The following PPARA variants were observed in gnomAD, a reference collection of about 807,000 sequenced individuals.
The protein encoded by PPARA is peroxisome proliferator-activated receptor alpha.
In PPARA, 22 loss-of-function variants were observed where a neutral mutation model predicts 42.2. The observed-to-expected ratio is 0.52, with a 90% CI of 0.37 to 0.74. PPARA has a LOEUF of 0.74. PPARA is among the 30% of genes least tolerant of loss of function. The pLI is 0.00. For missense variants in PPARA, 465 were observed against 608.2 expected (o/e 0.76, Z 2.48); for synonymous variants, 242 against 239.3 (o/e 1.01, Z -0.10).
At chr22:46,172,675 A>G (rs1272866456) in intron 2 of PPARA, among the ~76,000 whole-genome samples, 1 of 152,188 alleles carries the variant, frequency 6.6e-6, no homozygotes, top group Non-Finnish European at 1.5e-5. Flanking sequence ...CTGTCCAAAC[A>G]GCCATAAGCC....
intron 7 of PPARA, among the ~76,000 whole-genome samples, chr22:46,223,048 G>T (rs1399363919): frequency 6.6e-6 from 1 of 152,028 alleles, no homozygotes; most frequent in Non-Finnish European, 1.5e-5. Flanking sequence ...TAGTCCCCGC[G>T]ACTTGGGAGG....
intron 2 of PPARA, among the ~76,000 whole-genome samples, chr22:46,170,625 T>C (rs1383873530): frequency 6.6e-6 from 1 of 151,594 alleles, no homozygotes; most frequent in African/African-American, 2.4e-5. Context: ...TAAATTTTTA[T>C]TGAACGTCTG....
chr22:46,176,195 A>G (rs1014568835), intron 2 of PPARA: 1 of 151,970 alleles, frequency 6.6e-6, no homozygotes, highest in Non-Finnish European at 1.5e-5. Flanking sequence ...GTAGAAATGT[A>G]AATTACAGGG....
Position 46,222,661 on chromosome 22 carries a change from T to C in PPARA, c.711+2647T>C, listed in dbSNP as rs540372617. On this transcript the variant is annotated intron_variant, in intron 7 of 8. Coordinates refer to ENST00000407236, the MANE Select transcript of PPARA (RefSeq NM_005036.6). The surrounding 1 kb of genome is among the most constrained non-coding windows in gnomAD (Gnocchi z 5.9). ...GAGTCTCTATCCTGGATATGATTAG[T>C]ACAGCCCAAAATTGGGATGGCTAAA... Among the ~76,000 whole-genome samples the C allele has an allele frequency of 6.6e-6, 1 of 152,328 alleles. No homozygotes were observed. The highest frequency in any genetic ancestry group is 6.5e-5 in the Admixed American group (1 of 15,294).
chr22:46,235,573 C>A lies in PPARA; in HGVS notation c.*193C>A. ...CCAGTACTTCTAAGAGCATAGAACT[C>A]AAATGCTGGGGGTAGGTGGCTAATC... On this transcript the variant is annotated 3_prime_UTR_variant, in exon 9 of 9. Coordinates refer to ENST00000407236, the MANE Select transcript of PPARA (RefSeq NM_005036.6). The surrounding 1 kb of genome is among the most constrained non-coding windows in gnomAD (Gnocchi z 7.0). The A allele has an allele frequency of 1.4e-6, 1 of 717,104 alleles. No homozygotes were observed. The highest frequency in any genetic ancestry group is 2.3e-6 in the Non-Finnish European group (1 of 440,728). 44.4% of individuals were successfully genotyped at this position (717,104 alleles called of 1,614,324 possible).
intron 3 of PPARA, among the ~76,000 whole-genome samples, chr22:46,181,365 C>G (rs1929938350): frequency 6.6e-6 from 1 of 151,970 alleles, no homozygotes; most frequent in Admixed American, 6.6e-5. Context: ...CAGGAGCTGC[C>G]CCACAGCTGC....
Position 46,211,329 on chromosome 22 carries a change from C to A in PPARA, c.209-3844C>A, listed in dbSNP as rs1933908488. 6.6e-6 allele frequency among the ~76,000 whole-genome samples: 1 copy of A among 152,138 alleles called. No homozygotes were observed. The highest frequency in any genetic ancestry group is 1.5e-5 in the Non-Finnish European group (1 of 68,022). ...AGTTCATGGTTCATTTTCAGTATAC[C>A]TGCACAGTGGTATCAGAACTGTTAA... On this transcript the variant is annotated intron_variant, in intron 4 of 8. Coordinates refer to ENST00000407236, the MANE Select transcript of PPARA (RefSeq NM_005036.6). The surrounding 1 kb of genome is among the most constrained non-coding windows in gnomAD (Gnocchi z 4.1).
In PPARA at chr22:46,216,069, G is replaced by A. The variant is rs1934457632; in HGVS notation, c.369+736G>A. 6.6e-6 allele frequency among the ~76,000 whole-genome samples: 1 copy of A among 152,154 alleles called. No individual in the cohort carries two copies. The highest frequency in any genetic ancestry group is 6.6e-5 in the Admixed American group (1 of 15,266). On this transcript the variant is annotated intron_variant, in intron 5 of 8. Transcript: ENST00000407236. This position sits in a 1 kb window ranked among gnomAD's most constrained non-coding sequence, Gnocchi z 4.5. ...CTGTGCTTTGTAAATACTTAGAGAA[G>A]TGCATTCTTTAAAAGAAAATAAGTC...
intron 3 of PPARA, among the ~76,000 whole-genome samples, chr22:46,178,348 T>A (rs1929470525): frequency 1.3e-5 from 2 of 152,164 alleles, no homozygotes. Context: ...TCATCTGAGA[T>A]AACAAAACCT....
intron 4 of PPARA, among the ~76,000 whole-genome samples, chr22:46,213,605 T>G (rs1162354840): frequency 6.6e-6 from 1 of 151,600 alleles, no homozygotes; most frequent in Middle Eastern, 3.2e-3. Context: ...TTCTTTTTTT[T>G]TTGAGATGAA....
At chr22:46,166,047 T>C (rs2147157732) in intron 2 of PPARA, among the ~76,000 whole-genome samples, 1 of 152,194 alleles carries the variant, frequency 6.6e-6, no homozygotes, top group East Asian at 1.9e-4. Flanking sequence ...ATTATAGTGG[T>C]CTCCCAACAA....
In PPARA at chr22:46,214,549, C is replaced by G. The variant is rs565692593; in HGVS notation, c.209-624C>G. On this transcript the variant is annotated intron_variant, in intron 4 of 8. Transcript: ENST00000407236. ...TGTGGATCAGGAGATGTTGGGGGGT[C>G]AGGAGATGCGGGGGTCCAGAGATGT... Among the ~76,000 whole-genome samples the G allele has an allele frequency of 1.3e-4, 9 of 67,710 alleles. No homozygotes were observed. In the South Asian group the frequency reaches 3.4e-3, roughly 25 times the overall value. 44.4% of individuals were successfully genotyped at this position (67,710 alleles called of 152,430 possible). A position where few individuals can be genotyped will look rare whatever the true frequency, so the allele number is the denominator to read the frequency against.
At chr22:46,218,181 G>A in intron 5 of PPARA, 82 bp from the exon 6 acceptor site, 1 of 1,535,740 alleles carries the variant, frequency 6.5e-7, no homozygotes, top group Non-Finnish European at 9.0e-7. Flanking sequence ...CAATAAATGA[G>A]CAACAAAAAA....
rs1935305515 is a variant in PPARA, at chr22:46,225,058, G to A, written c.711+5044G>A. Among the ~76,000 whole-genome samples the A allele has an allele frequency of 6.6e-6, 1 of 152,084 alleles. No individual in the cohort carries two copies. The highest frequency in any genetic ancestry group is 1.5e-5 in the Non-Finnish European group (1 of 68,004). On this transcript the variant is annotated intron_variant, in intron 7 of 8. Coordinates refer to ENST00000407236, the MANE Select transcript of PPARA (RefSeq NM_005036.6). This position sits in a 1 kb window ranked among gnomAD's most constrained non-coding sequence, Gnocchi z 4.1. ...GGTCGGGGTTGGAACCGGCCAGGGT[G>A]CACGGAGGAGGCTGTGGGGGCAGGG...
At position 46,160,603 on chromosome 22, in the gene PPARA, G is replaced by T. The variant is rs938035291; in HGVS notation, c.-127+8633G>T. 6.6e-6 allele frequency among the ~76,000 whole-genome samples: 1 copy of T among 150,766 alleles called. No individual in the cohort carries two copies. The highest frequency in any genetic ancestry group is 2.4e-5 in the African/African-American group (1 of 40,954). On this transcript the variant is annotated intron_variant, in intron 2 of 8. Coordinates refer to ENST00000407236, the MANE Select transcript of PPARA (RefSeq NM_005036.6). The surrounding 1 kb of genome is among the most constrained non-coding windows in gnomAD (Gnocchi z 4.5). ...GAGCCACCGCACCTGGCCCAATATT[G>T]TTTGTTTATTTATTTCTTGACAGGA...
chr22:46,215,056 G>C, intron 4 of PPARA, 117 bp from the exon 5 acceptor site: 2 of 1,308,490 alleles, frequency 1.5e-6, no homozygotes, highest in Non-Finnish European at 2.2e-6. Flanking sequence ...TGGGTGTTCT[G>C]AGGTTTATGC....
Position 46,225,824 on chromosome 22 carries a change from GACGCACCTCCACCCCCACAC to G in PPARA, c.711+5817_711+5836del, listed in dbSNP as rs1935386172. Among the ~76,000 whole-genome samples the G allele has an allele frequency of 7.0e-6, 1 of 142,926 alleles. No individual in the cohort carries two copies. Among genetic ancestry groups the G allele is most frequent in the African/African-American group, 2.6e-5 (1 of 37,778 alleles). The allele number at this position is 142,926 out of a possible 152,430, so 93.8% of individuals were successfully genotyped here. A position where few individuals can be genotyped will look rare whatever the true frequency, so the allele number is the denominator to read the frequency against. On this transcript the variant is annotated intron_variant, in intron 7 of 8. Transcript: ENST00000407236. The surrounding 1 kb of genome is among the most constrained non-coding windows in gnomAD (Gnocchi z 4.1). The stretch of plus-strand genomic sequence containing the variant: ...ACACGTGCACCCACACATGCACACA[GACGCACCTCCACCCCCACAC>G]ACGCACACACACACATGCACCCACA...
In PPARA at chr22:46,174,249, A is replaced by AG. The variant is rs368611227; in HGVS notation, c.-126-2503dup. Among the ~76,000 whole-genome samples, 50 of 11,900 alleles carry AG rather than the reference A, an allele frequency of 4.2e-3. 1 individual carries two copies. Among genetic ancestry groups the AG allele is most frequent in the African/African-American group, 5.3e-3 (45 of 8,534 alleles). The allele number at this position is 11,900 out of a possible 152,430, so 7.8% of individuals were successfully genotyped here. ...AAGAAAGAGAGAGAGAAAGAAAGAA[A>AG]GAAGGAAGGAAGGAAGGAAGGAAGG... On this transcript the variant is annotated intron_variant, in intron 2 of 8. Coordinates refer to ENST00000407236, the MANE Select transcript of PPARA (RefSeq NM_005036.6).
At chr22:46,199,583 G>A (rs1231561390) in intron 4 of PPARA, among the ~76,000 whole-genome samples, 2 of 152,182 alleles carry the variant, frequency 1.3e-5, no homozygotes, top group African/African-American at 4.8e-5. Context: ...GCTCGAGGCT[G>A]CCATGAGCTA....
Sources: gnomAD v4.1 joint callset for allele counts (sites outside exome capture counted in the v4.1 genomes callset) on GRCh38, gnomAD v4.1.1 for gene constraint, Gnocchi (gnomAD v3.1) non-coding constraint, MANE v1.5 for transcripts, NCBI Gene and HGNC (gene_info 2026-07-23, HGNC 2026-07-21) for gene names.